Variants in ARHGAP26 observed in about 807,000 individuals in gnomAD.
ARHGAP26 encodes rho GTPase-activating protein 26.
A neutral mutation model predicts 104.8 loss-of-function variants in ARHGAP26; 38 were observed. The observed-to-expected ratio is 0.36, with a 90% confidence interval of 0.28 to 0.48. The LOEUF (loss-of-function observed/expected upper bound fraction) is 0.48, where lower values mean the gene tolerates loss of function less well. ARHGAP26 is among the 20% of genes least tolerant of loss of function. The pLI, the probability that ARHGAP26 is intolerant of heterozygous loss-of-function variation, is 0.99. For missense variants in ARHGAP26, 704 were observed against 947.9 expected, an observed-to-expected ratio of 0.74 and a Z score of 3.38; for synonymous variants, 341 against 340.0, an observed-to-expected ratio of 1.00 and a Z score of -0.03.
intron 11 of ARHGAP26, among the ~76,000 whole-genome samples, chr5:142,957,121 A>ACT (rs1255483811): frequency 6.6e-5 from 10 of 152,210 alleles, no homozygotes; most frequent in Non-Finnish European, 1.5e-4. Context: ...GGAGTTGATG[A>ACT]CTTGATGGGC....
At chr5:142,930,383 G>C (rs1764538280) in intron 10 of ARHGAP26, among the ~76,000 whole-genome samples, 1 of 152,134 alleles carries the variant, frequency 6.6e-6, no homozygotes, top group Admixed American at 6.5e-5. Flanking sequence ...ACTTGGTTGG[G>C]TCTGAGAATG....
At chr5:143,152,278 A>G (rs73798503) in intron 20 of ARHGAP26, among the ~76,000 whole-genome samples, 18,905 of 152,170 alleles carry the variant, frequency 0.12, 1,349 homozygotes, top group Middle Eastern at 0.2. Context: ...TAACCAGTGT[A>G]TCGCGTTAAT....
chr5:142,984,358 A>G (rs1373695999), intron 11 of ARHGAP26, among the ~76,000 whole-genome samples: 1 of 152,250 alleles, frequency 6.6e-6, no homozygotes, highest in Non-Finnish European at 1.5e-5. Context: ...GGAAACAGAC[A>G]TTGTACAGTC....
In ARHGAP26 at chr5:142,879,434, G is replaced by A. The variant is rs768277972; in HGVS notation, c.373G>A (p.Gly125Arg). The change falls in exon 4 of 23, where the codon GGG becomes AGG. Residue 125 changes from glycine (G) to arginine (R), a missense_variant. By Grantham distance (125) the Gly-to-Arg change is moderately radical. Around this residue, in one of 6 missense-constraint regions of ARHGAP26, gnomAD observed 106 missense variants for 120.5 expected, o/e 0.88. Transcript: ENST00000645722. ...PLEKFRKEQIGAAKEAKKKYD... is the reference protein window; with the variant it reads ...PLEKFRKEQIRAAKEAKKKYD... Reference sequence around the variant, plus strand: ...GGAGAAGTTTCGAAAGGAACAGATCGGGGCTGCCAAGGTGAGAATTTTGCA... The same window carrying A: ...GGAGAAGTTTCGAAAGGAACAGATCAGGGCTGCCAAGGTGAGAATTTTGCA... 17 of 1,611,944 alleles carry A rather than the reference G, an allele frequency of 1.1e-5. No homozygotes were observed. Among genetic ancestry groups the A allele is most frequent in the Non-Finnish European group, 1.3e-5 (15 of 1,179,222 alleles).
chr5:142,844,746 T>C (rs1561938876), intron 1 of ARHGAP26, among the ~76,000 whole-genome samples: 2 of 151,696 alleles, frequency 1.3e-5, no homozygotes, highest in Admixed American at 1.3e-4. Flanking sequence ...TCCCAGCTAC[T>C]TGGGAGGCGG....
chr5:142,895,696 A>G (rs1174730476), intron 6 of ARHGAP26, among the ~76,000 whole-genome samples: 1 of 152,092 alleles, frequency 6.6e-6, no homozygotes, highest in Non-Finnish European at 1.5e-5. Flanking sequence ...TCAAGACTCC[A>G]ATTGGTGGCC....
At chr5:142,942,335 T>C (rs987715178) in intron 11 of ARHGAP26, among the ~76,000 whole-genome samples, 2 of 152,150 alleles carry the variant, frequency 1.3e-5, no homozygotes, top group African/African-American at 4.8e-5. Context: ...ATAAAATACA[T>C]GGTTACAAAA....
intron 1 of ARHGAP26, among the ~76,000 whole-genome samples, chr5:142,843,638 T>G (rs1324131556): frequency 6.6e-6 from 1 of 150,844 alleles, no homozygotes; most frequent in Admixed American, 6.6e-5. Flanking sequence ...TTATGGCGTG[T>G]TTTTTTTTGA....
intron 17 of ARHGAP26, among the ~76,000 whole-genome samples, chr5:143,111,414 T>C (rs765785175): frequency 7.9e-5 from 12 of 152,342 alleles, no homozygotes; most frequent in Non-Finnish European, 1.3e-4. Flanking sequence ...TATGTGACCT[T>C]AGACAGATTT....
At chr5:143,207,996 C>T (rs1171734282) in intron 21 of ARHGAP26, among the ~76,000 whole-genome samples, 3 of 152,176 alleles carry the variant, frequency 2.0e-5, no homozygotes, top group Non-Finnish European at 2.9e-5. Context: ...CCCATATACT[C>T]CCGAAACCAT....
At chr5:142,862,183 T>G (rs950800196) in intron 1 of ARHGAP26, among the ~76,000 whole-genome samples, 3 of 152,202 alleles carry the variant, frequency 2.0e-5, no homozygotes, top group Non-Finnish European at 4.4e-5. Flanking sequence ...TTTTCCTGCT[T>G]TTCAAGTGAG....
intron 17 of ARHGAP26, among the ~76,000 whole-genome samples, chr5:143,105,927 CAAGTAT>C (rs1429811085): frequency 1.3e-5 from 2 of 151,210 alleles, no homozygotes; most frequent in African/African-American, 2.5e-5. Context: ...TTGGTGAGTA[CAAGTAT>C]GAGTGATTTT....
intron 18 of ARHGAP26, among the ~76,000 whole-genome samples, chr5:143,126,685 C>T (rs1796763725): frequency 6.6e-6 from 1 of 152,158 alleles, no homozygotes; most frequent in Non-Finnish European, 1.5e-5. Context: ...GCATCATTTC[C>T]TATTAGTGAC....
chr5:143,074,464 C>T (rs1325109599), intron 17 of ARHGAP26, among the ~76,000 whole-genome samples: 1 of 151,878 alleles, frequency 6.6e-6, no homozygotes, highest in African/African-American at 2.4e-5. Flanking sequence ...TCTTGTATGA[C>T]CTATAAGCTA....
At chr5:143,030,450 T>C (rs1313969543) in intron 12 of ARHGAP26, among the ~76,000 whole-genome samples, 1 of 152,248 alleles carries the variant, frequency 6.6e-6, no homozygotes, top group Non-Finnish European at 1.5e-5. Context: ...TCTCCTATGT[T>C]TCATGGCTTA....
At chr5:142,959,119 C>G (rs1436561132) in intron 11 of ARHGAP26, among the ~76,000 whole-genome samples, 1 of 152,150 alleles carries the variant, frequency 6.6e-6, no homozygotes, top group Non-Finnish European at 1.5e-5. Flanking sequence ...ACACAAGTGG[C>G]TGGTAGCACA....
At chr5:143,074,865 A>T in intron 17 of ARHGAP26, among the ~76,000 whole-genome samples, 1 of 152,220 alleles carries the variant, frequency 6.6e-6, no homozygotes, top group Non-Finnish European at 1.5e-5. Flanking sequence ...CAGGTATCCA[A>T]AGATGGACAT....
Position 143,110,222 on chromosome 5 carries a change from G to T in ARHGAP26, c.1539-10766G>T, listed in dbSNP as rs187563356. ...CATCATAGCACCATATATTTTCTTTGCTTATCGCCTGTCCTACTCCAAAAG... is the reference window on the plus strand; with the variant it reads ...CATCATAGCACCATATATTTTCTTTTCTTATCGCCTGTCCTACTCCAAAAG... On this transcript the variant is annotated intron_variant, in intron 17 of 22. Transcript: ENST00000645722. Among the ~76,000 whole-genome samples, 209 of 152,216 alleles carry T rather than the reference G, an allele frequency of 1.4e-3. 1 individual carries two copies. Among genetic ancestry groups the T allele is most frequent in the Non-Finnish European group, 1.3e-3 (89 of 68,008 alleles).
chr5:142,819,890 T>A (rs1032528240), intron 1 of ARHGAP26, among the ~76,000 whole-genome samples: 9 of 152,268 alleles, frequency 5.9e-5, no homozygotes, highest in African/African-American at 2.2e-4. Flanking sequence ...CTGACTGGTG[T>A]TGCATACACC....
Sources: allele counts gnomAD v4.1 joint callset (sites outside exome capture counted in the v4.1 genomes callset), GRCh38; gene constraint gnomAD v4.1.1; regional missense constraint gnomAD v4.1.1; transcripts MANE v1.5; gene names NCBI Gene and HGNC (gene_info 2026-07-23, HGNC 2026-07-21).